The following TBC1D14 variants were observed in gnomAD, a reference collection of about 807,000 sequenced individuals.
The protein encoded by TBC1D14 is TBC1 domain family, member 14.
In TBC1D14, 26 loss-of-function variants were observed where a neutral mutation model predicts 79.0. The observed-to-expected ratio is 0.33, with a 90% CI of 0.24 to 0.46. TBC1D14 has a LOEUF of 0.46. Among genes scored for constraint, TBC1D14 ranks in the 20% least tolerant of loss-of-function variants. The pLI is 1.00. For synonymous variants in TBC1D14, 394 were observed against 349.9 expected, an observed-to-expected ratio of 1.13 and a Z score of -1.40; for missense variants, 769 against 887.6, an observed-to-expected ratio of 0.87 and a Z score of 1.70.
rs113441991 is a variant in TBC1D14 at position 7,015,173 on chromosome 4, G to C, written c.1757+616G>C. 1.0e-3 allele frequency among the ~76,000 whole-genome samples: 154 copies of C among 152,142 alleles called. 1 individual carries two copies. The highest frequency in any genetic ancestry group is 3.4e-3 in the Middle Eastern group (1 of 294). ...GAGCTTGGGCAGGATTGCGGGGCCA[G>C]GGGGAGTGGGAGAAGGCTTCTGCTG... On this transcript the variant is annotated intron_variant, in intron 12 of 13. Transcript: ENST00000409757.
intron 2 of TBC1D14, among the ~76,000 whole-genome samples, chr4:6,960,972 T>G (rs572027949): frequency 1.3e-5 from 2 of 152,218 alleles, no homozygotes; most frequent in Non-Finnish European, 2.9e-5. Context: ...CAGTTAAATG[T>G]GTGAGCCGTG....
chr4:6,951,530 A>C (rs1381558249), intron 2 of TBC1D14, among the ~76,000 whole-genome samples: 1 of 152,206 alleles, frequency 6.6e-6, no homozygotes, highest in Non-Finnish European at 1.5e-5. Flanking sequence ...AAAAGGTAAT[A>C]AAACACTTTC....
chr4:6,958,524 G>A (rs1215639628), intron 2 of TBC1D14, among the ~76,000 whole-genome samples: 2 of 152,098 alleles, frequency 1.3e-5, no homozygotes, highest in Non-Finnish European at 2.9e-5. Context: ...TAACTCCTGG[G>A]CTCAAGCGAT....
intron 3 of TBC1D14, among the ~76,000 whole-genome samples, chr4:6,992,786 T>C (rs565213864): frequency 6.6e-6 from 1 of 152,344 alleles, no homozygotes; most frequent in South Asian, 2.1e-4. Flanking sequence ...GTGTACCCCA[T>C]ACAGTGTAGA....
At chr4:6,998,115 A>G (rs2109180969) in intron 5 of TBC1D14, among the ~76,000 whole-genome samples, 1 of 152,326 alleles carries the variant, frequency 6.6e-6, no homozygotes, top group Admixed American at 6.5e-5. Flanking sequence ...TCACACCTGT[A>G]ATCCCAGCAC....
chr4:6,919,229 C>T (rs1018962748), intron 1 of TBC1D14, among the ~76,000 whole-genome samples: 22 of 152,122 alleles, frequency 1.4e-4, no homozygotes, highest in Non-Finnish European at 2.6e-4. Flanking sequence ...TCACTGCAAC[C>T]TCCACCTCCC....
intron 3 of TBC1D14, among the ~76,000 whole-genome samples, chr4:6,990,447 A>AAAAT (rs1304065816): frequency 6.6e-6 from 1 of 152,230 alleles, no homozygotes; most frequent in African/African-American, 2.4e-5. Context: ...AGACTCCTCA[A>AAAAT]AAATAAATAA....
intron 12 of TBC1D14, among the ~76,000 whole-genome samples, chr4:7,018,463 C>T (rs1219305127): frequency 6.6e-6 from 1 of 152,232 alleles, no homozygotes; most frequent in Non-Finnish European, 1.5e-5. Context: ...CTCTGAGGGT[C>T]CCCTCTGTCA....
At chr4:6,965,305 G>C (rs917415195) in intron 2 of TBC1D14, among the ~76,000 whole-genome samples, 1 of 152,134 alleles carries the variant, frequency 6.6e-6, no homozygotes, top group African/African-American at 2.4e-5. Flanking sequence ...TTACAGGCAT[G>C]AGCCACTGCA....
Position 6,996,386 on chromosome 4 carries a change from G to T in TBC1D14, c.1024G>T (p.Val342Leu). 6.2e-7 allele frequency: 1 copy of T among 1,613,846 alleles called. No individual in the cohort carries two copies. Among genetic ancestry groups the T allele is most frequent in the Non-Finnish European group, 8.5e-7 (1 of 1,179,828 alleles). Reference sequence around the variant, plus strand: ...GCACAGACAGCAGTATGAAGAAATGGTGGTTCAGGCCAAAAAGCGAGGTAA... The same window carrying T: ...GCACAGACAGCAGTATGAAGAAATGTTGGTTCAGGCCAAAAAGCGAGGTAA... ...QKHRQQYEEM[V>L]VQAKKRELKE... Residue 342 changes from valine (V) to leucine (L), a missense_variant, in exon 5 of 14, where the codon GTG becomes TTG. By Grantham distance (32) the Val-to-Leu change is conservative (BLOSUM62 1). Coordinates refer to ENST00000409757, the MANE Select transcript of TBC1D14 (RefSeq NM_020773.3).
chr4:7,027,666 CACA>C (rs1489027903), intron 13 of TBC1D14, among the ~76,000 whole-genome samples: 4 of 44,968 alleles, frequency 8.9e-5, no homozygotes, highest in East Asian at 1.5e-3. Flanking sequence ...ACAATCACCC[CACA>C]CAATCACACA....
At chr4:6,919,768 G>A (rs1399890848) in intron 1 of TBC1D14, among the ~76,000 whole-genome samples, 1 of 152,024 alleles carries the variant, frequency 6.6e-6, no homozygotes, top group Non-Finnish European at 1.5e-5. Context: ...TTACAGGCGT[G>A]CGCCACCATG....
At chr4:6,996,279 C>T in intron 4 of TBC1D14, 46 bp from the exon 5 acceptor site, 1 of 1,494,342 alleles carries the variant, frequency 6.7e-7, no homozygotes, top group Non-Finnish European at 9.3e-7. Context: ...TGAAAGACTT[C>T]TATGCGGTAT....
intron 3 of TBC1D14, among the ~76,000 whole-genome samples, chr4:6,972,454 G>A (rs973183460): frequency 6.0e-4 from 91 of 152,184 alleles, no homozygotes; most frequent in African/African-American, 2.1e-3. Context: ...TTCTTGCCTC[G>A]GCTTCCAGGC....
chr4:7,030,210 A>G, intron 13 of TBC1D14, 117 bp from the exon 14 acceptor site: 4 of 879,870 alleles, frequency 4.5e-6, no homozygotes, highest in South Asian at 4.2e-5. Context: ...GGTTGGAGGC[A>G]GTGGAAGTGG....
At chr4:6,991,684 C>T (rs1008286458) in intron 3 of TBC1D14, among the ~76,000 whole-genome samples, 3 of 152,098 alleles carry the variant, frequency 2.0e-5, no homozygotes, top group Non-Finnish European at 4.4e-5. Flanking sequence ...GCAGCCCCTT[C>T]GGGGGGCTGG....
chr4:6,992,675 A>G (rs1718624802), intron 3 of TBC1D14, among the ~76,000 whole-genome samples: 1 of 152,184 alleles, frequency 6.6e-6, no homozygotes, highest in East Asian at 1.9e-4. Flanking sequence ...ATCTTTCTCA[A>G]CACACAGCTT....
chr4:6,977,877 G>A (rs780792718), intron 3 of TBC1D14, among the ~76,000 whole-genome samples: 11,529 of 147,306 alleles, frequency 0.078, 322 homozygotes, highest in South Asian at 0.13. Context: ...GATGTGGGGA[G>A]CGCCTCTGCC....
At chr4:6,945,749 C>CAAAAAAAAAAAAAAA (rs71173472) in intron 2 of TBC1D14, among the ~76,000 whole-genome samples, 4 of 64,134 alleles carry the variant, frequency 6.2e-5, no homozygotes, top group Non-Finnish European at 7.9e-5. Flanking sequence ...AACTGCGTCT[C>CAAAAAAAAAAAAAAA]AAAAAAAAAA....
Sources: gnomAD v4.1 joint callset for allele counts (sites outside exome capture counted in the v4.1 genomes callset) on GRCh38, gnomAD v4.1.1 for gene constraint, MANE v1.5 for transcripts, NCBI Gene and HGNC (gene_info 2026-07-23, HGNC 2026-07-21) for gene names.